Variants in GET4 observed in about 807,000 individuals in gnomAD.
The protein encoded by GET4 is Golgi to ER traffic protein 4 homolog.
GET4 carries 20 observed loss-of-function variants against 40.0 expected under a neutral mutation model. The ratio of observed to expected loss-of-function variants is 0.50; its 90% CI spans 0.35 to 0.73. The LOEUF (loss-of-function observed/expected upper bound fraction) is 0.73. Ranked by LOEUF, GET4 falls within the 30% of genes least tolerant of loss-of-function variation. The probability of loss-of-function intolerance (pLI) is 0.01; values close to 1 mark genes in which losing one functional copy is unlikely to be tolerated. For missense variants in GET4, 557 were observed against 454.0 expected (o/e 1.23, Z -2.06); for synonymous variants, 280 against 194.6 (o/e 1.44, Z -3.65).
At position 890,989 on chromosome 7, in the gene GET4, C is replaced by CA; in HGVS notation, c.530dup (p.Asn177LysfsTer35). 1 of 1,611,484 alleles carries CA rather than the reference C, an allele frequency of 6.2e-7. No homozygotes were observed. Among genetic ancestry groups the CA allele is most frequent in the Non-Finnish European group, 8.5e-7 (1 of 1,177,800 alleles). The stretch of plus-strand genomic sequence containing the variant: ...ACTCAGCGGACGGGGAGGGCTGTGC[C>CA]AACATGCTGGTGGAGTATTCCACGT... On this transcript the variant is annotated frameshift_variant, in exon 5 of 9. Transcript: ENST00000265857. LOFTEE classifies it high-confidence loss of function.
In GET4 at chr7:895,353, C is replaced by T. The variant is rs772109813; in HGVS notation, c.915C>T (p.Leu305=). The T allele has an allele frequency of 6.3e-7, 1 of 1,587,238 alleles. No homozygotes were observed. The highest frequency in any genetic ancestry group is 8.6e-7 in the Non-Finnish European group (1 of 1,157,770). The change falls in exon 9 of 9, where the codon CTC becomes CTT. Residue 305 remains leucine, a synonymous_variant. Coordinates refer to ENST00000265857, the MANE Select transcript of GET4 (RefSeq NM_015949.3). The part of the protein sequence containing the change: ...GGLLGNLLTS[L]MGSSEQEDGE... Reference sequence around the variant, plus strand: ...TTCCAGGGAACCTTCTGACCAGCCTCATGGGCTCCTCAGAGCAGGAGGATG... The same window carrying T: ...TTCCAGGGAACCTTCTGACCAGCCTTATGGGCTCCTCAGAGCAGGAGGATG...
At chr7:886,234 C>T (rs1484049527) in intron 2 of GET4, 100 bp downstream of exon 2, 2 of 784,174 alleles carry the variant, frequency 2.6e-6, no homozygotes, top group Non-Finnish European at 4.4e-6. Flanking sequence ...CCTTGCGCTG[C>T]CCTGGGCCTC....
chr7:892,009 C>G (rs971755448), intron 5 of GET4, among the ~76,000 whole-genome samples: 1 of 152,246 alleles, frequency 6.6e-6, no homozygotes, highest in Admixed American at 6.5e-5. Flanking sequence ...TTGCTCAGTG[C>G]GTCACGTAGT....
At chr7:877,616 C>T (rs1261803589) in intron 1 of GET4, among the ~76,000 whole-genome samples, 9 of 139,932 alleles carry the variant, frequency 6.4e-5, no homozygotes, top group Non-Finnish European at 1.4e-4. Flanking sequence ...ACCTCCCCCA[C>T]CTCTCCCGTA....
At position 892,493 on chromosome 7, in the gene GET4, T is replaced by C. The variant is rs1466743758; in HGVS notation, c.746+75T>C. 2.0e-6 allele frequency: 3 copies of C among 1,466,614 alleles called. No homozygotes were observed. The East Asian group carries it at 6.9e-5, about 34-fold the overall frequency. The allele number at this position is 1,466,614 out of a possible 1,614,324, so 90.9% of individuals were successfully genotyped here. On this transcript the variant is annotated intron_variant, in intron 6 of 8. Transcript: ENST00000265857. ...TGTGTAGACGTGGTGTGGATAGCTG[T>C]GTGGGTGTGTGTGCAAGTGTAGCCA...
chr7:890,911 CTG>C lies in GET4; in HGVS notation c.467-15_467-14del. On this transcript the variant is annotated splice_polypyrimidine_tract_variant and intron_variant, in intron 4 of 8. Coordinates refer to ENST00000265857, the MANE Select transcript of GET4 (RefSeq NM_015949.3). ...ATTCGTGAAATGTATTTACATTTTT[CTG>C]TCTTTCCTTTGCAGAACAAAACTAT... is the stretch of plus-strand genomic sequence containing the variant. 6.3e-7 allele frequency: 1 copy of C among 1,575,012 alleles called. No individual in the cohort carries two copies. Among genetic ancestry groups the C allele is most frequent in the Non-Finnish European group, 8.7e-7 (1 of 1,145,014 alleles).
At position 893,345 on chromosome 7, in the gene GET4, G is replaced by A. The variant is rs1482921070; in HGVS notation, c.747-395G>A. Reference sequence around the variant, plus strand: ...GAGTGTTGGGCGCGGGCGTGGTGGTGGTTGCAGGTGAGTGTTGGGTGTGGG... The same window carrying A: ...GAGTGTTGGGCGCGGGCGTGGTGGTAGTTGCAGGTGAGTGTTGGGTGTGGG... On this transcript the variant is annotated intron_variant, in intron 6 of 8. Coordinates refer to ENST00000265857, the MANE Select transcript of GET4 (RefSeq NM_015949.3). Among the ~76,000 whole-genome samples, 17 of 103,828 alleles carry A rather than the reference G, an allele frequency of 1.6e-4. 1 individual carries two copies. Among genetic ancestry groups the A allele is most frequent in the Non-Finnish European group, 2.4e-4 (12 of 50,842 alleles). The allele number at this position is 103,828 out of a possible 152,430, so 68.1% of individuals were successfully genotyped here. A position where few individuals can be genotyped will look rare whatever the true frequency, so the allele number is the denominator to read the frequency against.
chr7:883,126 C>T (rs1226464256), intron 1 of GET4: 1 of 152,314 alleles, frequency 6.6e-6, no homozygotes, highest in East Asian at 1.9e-4. Context: ...CCTGCCGGCT[C>T]AGGTCCCTTC....
intron 6 of GET4, 78 bp downstream of exon 6, chr7:892,496 G>T (rs755993563): frequency 9.5e-5 from 140 of 1,468,908 alleles, no homozygotes; most frequent in Non-Finnish European, 1.2e-4. Context: ...ATAGCTGTGT[G>T]GGTGTGTGTG....
chr7:894,921 C>G (rs564572942), intron 8 of GET4, among the ~76,000 whole-genome samples: 113 of 152,322 alleles, frequency 7.4e-4, no homozygotes, highest in Non-Finnish European at 1.4e-3. Flanking sequence ...CCAGTTGATT[C>G]ATGTGTCACT....
Position 893,797 on chromosome 7 carries a change from G to A in GET4, c.804G>A (p.Arg268=), listed in dbSNP as rs779280125. 1.2e-6 allele frequency: 2 copies of A among 1,611,048 alleles called. No homozygotes were observed. Among genetic ancestry groups the A allele is most frequent in the African/African-American group, 1.3e-5 (1 of 74,936 alleles). The change falls in exon 7 of 9, where the codon CGG becomes CGA. Residue 268 remains arginine (R), a synonymous_variant. Transcript: ENST00000265857. ...AGCAGTACCAGCCATCCCTCCGGCG[G>A]GACCCCATGTACAACGAGGTGAGAG... The part of the protein sequence containing the change: ...LCEQYQPSLR[R]DPMYNEYLDR...
At chr7:894,504 G>T (rs751665615) in intron 8 of GET4, among the ~76,000 whole-genome samples, 3 of 152,156 alleles carry the variant, frequency 2.0e-5, no homozygotes, top group Non-Finnish European at 2.9e-5. Flanking sequence ...ACAGATGTCT[G>T]CCCTGGTGCA....
chr7:878,357 C>T (rs1449441787), intron 1 of GET4: 2 of 471,094 alleles, frequency 4.2e-6, no homozygotes, highest in South Asian at 3.1e-5. Flanking sequence ...TTATGCATAT[C>T]AGATTATCTC....
At chr7:894,014 C>A (rs199579429) in intron 8 of GET4, 43 bp downstream of exon 8, 1 of 1,361,016 alleles carries the variant, frequency 7.3e-7, no homozygotes, top group Non-Finnish European at 1.0e-6. Flanking sequence ...AGCCCTGGGT[C>A]GGTGTGGGGT....
intron 1 of GET4, chr7:882,841 A>G (rs1022787585): frequency 2.0e-5 from 3 of 152,254 alleles, no homozygotes; most frequent in African/African-American, 7.2e-5. Context: ...GTATTTGTAC[A>G]TTGGCATTTA....
rs1011228010 is a variant in GET4, at chr7:896,127, C to G, written c.*705C>G. 4 of 152,228 alleles carry G rather than the reference C, an allele frequency of 2.6e-5. No homozygotes were observed. The highest frequency in any genetic ancestry group is 5.9e-5 in the Non-Finnish European group (4 of 68,034). 9.4% of individuals were successfully genotyped at this position (152,228 alleles called of 1,614,324 possible). On this transcript the variant is annotated 3_prime_UTR_variant, in exon 9 of 9. Transcript: ENST00000265857. ...TAAAAAGGGATACCGTGGGACTCTG[C>G]CCGTCTCTTTCATAACGCAATATTT...
rs1339970054 is a variant in GET4, at chr7:893,915, G to A, written c.839G>A (p.Gly280Glu). Residue 280 changes from glycine (G) to glutamate (E), a missense_variant, in exon 8 of 9, where the codon GGA (glycine) becomes GAA (glutamate). Coordinates refer to ENST00000265857, the MANE Select transcript of GET4 (RefSeq NM_015949.3). ...PMYNEYLDRI[G>E]QLFFGVPPKQ... ...GCCTTGCAGTACCTCGACCGCATAG[G>A]ACAGCTGTTCTTCGGCGTCCCGCCC... 1.2e-6 allele frequency: 2 copies of A among 1,610,432 alleles called. No individual in the cohort carries two copies. Among genetic ancestry groups the A allele is most frequent in the Non-Finnish European group, 1.7e-6 (2 of 1,177,694 alleles).
chr7:891,581 G>T (rs1342069946), intron 5 of GET4, among the ~76,000 whole-genome samples: 4 of 152,142 alleles, frequency 2.6e-5, no homozygotes, highest in African/African-American at 9.7e-5. Flanking sequence ...TCCGGGCGCT[G>T]CCTGCTCCAG....
chr7:886,047 C>G lies in GET4; in HGVS notation c.156-9C>G, dbSNP rs1562894587. 2 of 1,573,944 alleles carry G rather than the reference C, an allele frequency of 1.3e-6. No homozygotes were observed. The highest frequency in any genetic ancestry group is 1.7e-6 in the Non-Finnish European group (2 of 1,145,118). ...GTGGGCGTGGCTCACGGTCTCCTCT[C>G]TGTGGCAGGTACATGTCCCAGAGCA... On this transcript the variant is annotated splice_polypyrimidine_tract_variant and intron_variant, in intron 1 of 8. Transcript: ENST00000265857.
Sources: gnomAD v4.1 joint callset for allele counts (sites outside exome capture counted in the v4.1 genomes callset) on GRCh38, gnomAD v4.1.1 for gene constraint, MANE v1.5 for transcripts, NCBI Gene and HGNC (gene_info 2026-07-23, HGNC 2026-07-21) for gene names.